COL24A1: variants seen among roughly 807,000 people sequenced by gnomAD.
COL24A1 encodes collagen type XXIV alpha 1 chain, also known as collagen alpha-1(XXIV) chain.
COL24A1 carries 224 observed loss-of-function variants against 253.9 expected under a neutral mutation model. That is an observed-to-expected ratio of 0.88 (90% CI 0.79 to 0.99). COL24A1 has a LOEUF of 0.99. Among genes scored for constraint, COL24A1 ranks in the 50% least tolerant of loss-of-function variants. The probability of loss-of-function intolerance (pLI) is 0.00; values close to 1 mark genes in which losing one functional copy is unlikely to be tolerated. For missense variants in COL24A1, 2,131 were observed against 2,068.5 expected, an observed-to-expected ratio of 1.03 and a Z score of -0.59; for synonymous variants, 685 against 673.7, an observed-to-expected ratio of 1.02 and a Z score of -0.26.
At chr1:85,873,301 T>C (rs7548942) in intron 35 of COL24A1, among the ~76,000 whole-genome samples, 60,670 of 151,218 alleles carry the variant, frequency 0.4, 12,820 homozygotes, top group South Asian at 0.59. Flanking sequence ...GGATCTAGAA[T>C]TAGAAATACC....
At chr1:85,993,335 T>C (rs563643016) in intron 19 of COL24A1, among the ~76,000 whole-genome samples, 7 of 152,098 alleles carry the variant, frequency 4.6e-5, no homozygotes, top group African/African-American at 1.7e-4. Context: ...GTGGATAAAC[T>C]TATACACATA....
chr1:85,743,515 T>C (rs111432861), intron 57 of COL24A1, among the ~76,000 whole-genome samples: 1 of 152,304 alleles, frequency 6.6e-6, no homozygotes, highest in Middle Eastern at 3.4e-3. Context: ...TTTTTCCTTA[T>C]AGCACTTATG....
chr1:86,116,713 A>T (rs1706175985), intron 3 of COL24A1, among the ~76,000 whole-genome samples: 2 of 152,100 alleles, frequency 1.3e-5, no homozygotes, highest in South Asian at 4.1e-4. Flanking sequence ...AGTCATTTGC[A>T]GTTTTCTGAT....
intron 20 of COL24A1, among the ~76,000 whole-genome samples, chr1:85,986,239 C>T (rs1400231356): frequency 6.6e-6 from 1 of 151,562 alleles, no homozygotes; most frequent in Non-Finnish European, 1.5e-5. Flanking sequence ...ATCTCTGTAG[C>T]CTTATGGTCT....
intron 3 of COL24A1, among the ~76,000 whole-genome samples, chr1:86,123,250 A>T (rs1006260684): frequency 2.0e-5 from 3 of 151,926 alleles, no homozygotes; most frequent in Non-Finnish European, 4.4e-5. Context: ...CCATTCTTAG[A>T]GCCTAGGTCA....
intron 53 of COL24A1, among the ~76,000 whole-genome samples, chr1:85,765,180 A>T (rs1667232733): frequency 1.3e-5 from 2 of 152,252 alleles, no homozygotes; most frequent in Non-Finnish European, 1.5e-5. Context: ...CTCACTTTCA[A>T]ATTGGAGGCA....
intron 2 of COL24A1, among the ~76,000 whole-genome samples, chr1:86,135,033 C>T (rs1379015317): frequency 2.6e-5 from 4 of 151,780 alleles, no homozygotes; most frequent in Middle Eastern, 3.4e-3. Context: ...CTGGGTGCTC[C>T]TGCATTGGGT....
chr1:85,865,907 A>G (rs1319652161), intron 37 of COL24A1, among the ~76,000 whole-genome samples: 3 of 152,174 alleles, frequency 2.0e-5, no homozygotes, highest in Non-Finnish European at 4.4e-5. Context: ...GAACTCTAGA[A>G]AGGAAAAATA....
intron 5 of COL24A1, among the ~76,000 whole-genome samples, chr1:86,094,723 T>A (rs546905240): frequency 6.6e-6 from 1 of 152,116 alleles, no homozygotes; most frequent in African/African-American, 2.4e-5. Flanking sequence ...CAATTTTAGG[T>A]CATTGGTTAC....
At chr1:86,098,025 C>T (rs572190775) in intron 5 of COL24A1, among the ~76,000 whole-genome samples, 11 of 152,048 alleles carry the variant, frequency 7.2e-5, no homozygotes, top group Non-Finnish European at 1.3e-4. Flanking sequence ...GGATAAGATA[C>T]ATAAAACAAC....
intron 3 of COL24A1, among the ~76,000 whole-genome samples, chr1:86,118,442 A>G (rs567292668): frequency 1.3e-5 from 2 of 152,228 alleles, no homozygotes; most frequent in Admixed American, 6.5e-5. Flanking sequence ...AGGATAATAT[A>G]TACATTAAGG....
intron 8 of COL24A1, among the ~76,000 whole-genome samples, chr1:86,061,387 T>A (rs689040): frequency 1.3e-5 from 2 of 151,984 alleles, no homozygotes; most frequent in Non-Finnish European, 2.9e-5. Context: ...TAGGCCACTA[T>A]CTATCTGGCT....
chr1:85,876,215 A>T (rs1173422215), intron 33 of COL24A1, among the ~76,000 whole-genome samples: 1 of 151,982 alleles, frequency 6.6e-6, no homozygotes, highest in Non-Finnish European at 1.5e-5. Flanking sequence ...TACACTGGCA[A>T]TAGGGATAAA....
chr1:86,141,794 G>A (rs1651128602), intron 2 of COL24A1, among the ~76,000 whole-genome samples: 1 of 151,434 alleles, frequency 6.6e-6, no homozygotes, highest in Non-Finnish European at 1.5e-5. Context: ...TCTGTCTCCT[G>A]GGCTCGAGTA....
chr1:85,735,331 T>C (rs1663934007), intron 58 of COL24A1, among the ~76,000 whole-genome samples: 1 of 152,208 alleles, frequency 6.6e-6, no homozygotes, highest in African/African-American at 2.4e-5. Context: ...CTACATATAA[T>C]ATCAATAAAA....
At chr1:85,893,768 GC>G (rs1290722670) in intron 31 of COL24A1, among the ~76,000 whole-genome samples, 2 of 152,036 alleles carry the variant, frequency 1.3e-5, no homozygotes, top group Admixed American at 1.3e-4. Context: ...GGGTCTTAGA[GC>G]TCTTATCCCA....
chr1:86,052,350 G>A lies in COL24A1; in HGVS notation c.1852-2173C>T, dbSNP rs574381033. Among the ~76,000 whole-genome samples, 5 of 152,088 alleles carry A rather than the reference G, an allele frequency of 3.3e-5. No homozygotes were observed. The East Asian group carries it at 9.6e-4, about 29-fold the overall frequency. On this transcript the variant is annotated intron_variant, in intron 10 of 59. Transcript: ENST00000370571. ...GCAACGTAAATGTTCATTAACAGAT[G>A]AATGAATAAACAAAATGTTGTATAT...
At chr1:86,108,683 T>A (rs1705246281) in intron 5 of COL24A1, among the ~76,000 whole-genome samples, 1 of 147,942 alleles carries the variant, frequency 6.8e-6, no homozygotes, top group Admixed American at 6.8e-5. Flanking sequence ...GGCACATGCC[T>A]GTAACCCCAG....
chr1:86,107,386 A>T (rs937928276), intron 5 of COL24A1, among the ~76,000 whole-genome samples: 1 of 152,232 alleles, frequency 6.6e-6, no homozygotes, highest in East Asian at 1.9e-4. Context: ...ATTATACAGT[A>T]TAAAGCTTGA....
Sources: allele counts gnomAD v4.1 joint callset (sites outside exome capture counted in the v4.1 genomes callset), GRCh38; gene constraint gnomAD v4.1.1; transcripts MANE v1.5; gene names NCBI Gene and HGNC (gene_info 2026-07-23, HGNC 2026-07-21).